CRACDL: variants seen among roughly 807,000 people sequenced by gnomAD.
CRACDL encodes CRACD like.
In CRACDL, 26 loss-of-function variants were observed where a neutral mutation model predicts 70.6. The observed-to-expected ratio is 0.37, with a 90% confidence interval of 0.27 to 0.51. CRACDL has a LOEUF of 0.51. Ranked by LOEUF, CRACDL falls within the 20% of genes least tolerant of loss-of-function variation. The pLI, the probability that CRACDL is intolerant of heterozygous loss-of-function variation, is 0.94. For missense variants in CRACDL, 1,283 were observed against 1,376.9 expected (o/e 0.93, Z 1.08); for synonymous variants, 618 against 615.2 (o/e 1.00, Z -0.07).
At chr2:98,928,354 G>A (rs1168789785) in intron 1 of CRACDL, among the ~76,000 whole-genome samples, 3 of 152,164 alleles carry the variant, frequency 2.0e-5, no homozygotes, top group Non-Finnish European at 4.4e-5. Flanking sequence ...TAAGAGATCC[G>A]CTCCTGTTCC....
At chr2:98,818,811 A>T (rs1260938642) in intron 7 of CRACDL, among the ~76,000 whole-genome samples, 1 of 152,224 alleles carries the variant, frequency 6.6e-6, no homozygotes, top group Non-Finnish European at 1.5e-5. Flanking sequence ...TGCTCTGGTC[A>T]GCATGAGATA....
chr2:98,817,732 G>A (rs1203454110), intron 7 of CRACDL, among the ~76,000 whole-genome samples: 1 of 152,170 alleles, frequency 6.6e-6, no homozygotes, highest in African/African-American at 2.4e-5. Flanking sequence ...ATGAATGAGT[G>A]AGTACTGGAG....
chr2:98,802,804 A>G (rs1193293432), intron 7 of CRACDL, among the ~76,000 whole-genome samples: 2 of 152,244 alleles, frequency 1.3e-5, no homozygotes, highest in Non-Finnish European at 2.9e-5. Context: ...CTGAGAGGCA[A>G]CGAGTTGTCG....
intron 1 of CRACDL, among the ~76,000 whole-genome samples, chr2:98,862,095 T>G (rs1012681847): frequency 9.2e-5 from 14 of 152,170 alleles, no homozygotes; most frequent in Admixed American, 7.9e-4. Context: ...TTTCTCATTC[T>G]CGGAGCCAGA....
At chr2:98,918,735 C>T (rs938822841) in intron 1 of CRACDL, among the ~76,000 whole-genome samples, 1 of 151,858 alleles carries the variant, frequency 6.6e-6, no homozygotes, top group African/African-American at 2.4e-5. Flanking sequence ...CGTGTGTCTT[C>T]TTTTGAAAAA....
intron 1 of CRACDL, among the ~76,000 whole-genome samples, chr2:98,887,393 C>G (rs758855930): frequency 6.6e-6 from 1 of 152,022 alleles, no homozygotes; most frequent in Non-Finnish European, 1.5e-5. Context: ...GAGGCTGAGG[C>G]AGAGGATTTG....
In CRACDL at chr2:98,794,672, C is replaced by G; in HGVS notation, c.2750-1G>C. 1.1e-5 allele frequency: 17 copies of G among 1,608,984 alleles called. No individual in the cohort carries two copies. Among genetic ancestry groups the G allele is most frequent in the Non-Finnish European group, 1.4e-5 (16 of 1,176,402 alleles). On this transcript the variant is annotated splice_acceptor_variant, in intron 9 of 9. Coordinates refer to ENST00000397899, the MANE Select transcript of CRACDL (RefSeq NM_207362.3). LOFTEE classifies it high-confidence loss of function. ...TTCTCCATCATCACTGCAGACTGAG[C>G]TGCTTGGAAGGGAGACAAAACCAAC...
intron 1 of CRACDL, among the ~76,000 whole-genome samples, chr2:98,855,984 A>T (rs140126676): frequency 6.6e-6 from 1 of 152,186 alleles, no homozygotes; most frequent in African/African-American, 2.4e-5. Flanking sequence ...AATTCAAAAC[A>T]TCATTAACTA....
chr2:98,838,767 G>A (rs1025579042), intron 2 of CRACDL, among the ~76,000 whole-genome samples: 3 of 152,208 alleles, frequency 2.0e-5, no homozygotes, highest in African/African-American at 7.2e-5. Context: ...GCAAGAAGGT[G>A]GGTCTGTGGG....
chr2:98,926,103 T>C (rs1234414839), intron 1 of CRACDL, among the ~76,000 whole-genome samples: 8 of 152,228 alleles, frequency 5.3e-5, no homozygotes, highest in Non-Finnish European at 7.3e-5. Flanking sequence ...ATTTACTTCA[T>C]AATGCACAAT....
At chr2:98,796,071 C>T in intron 9 of CRACDL, 49 bp downstream of exon 9, 1 of 1,585,180 alleles carries the variant, frequency 6.3e-7, no homozygotes, top group Non-Finnish European at 8.7e-7. Flanking sequence ...GCAGGAACGA[C>T]CCAGGAAAAT....
intron 1 of CRACDL, among the ~76,000 whole-genome samples, chr2:98,885,846 T>TG (rs990196181): frequency 2.0e-5 from 3 of 151,360 alleles, no homozygotes; most frequent in African/African-American, 7.3e-5. Context: ...CAAAAGCAAG[T>TG]GACATCAGCA....
Position 98,795,077 on chromosome 2 carries a change from A to ATATTTTTTTT in CRACDL, c.2750-407_2750-406insAAAAAAAATA. ...TATATATATATATATATATATATAT[A>ATATTTTTTTT]TTTTTTTTTTTTTTTGAGACAGAAG... On this transcript the variant is annotated intron_variant, in intron 9 of 9. Transcript: ENST00000397899. Among the ~76,000 whole-genome samples, 572 of 58,214 alleles carry ATATTTTTTTT rather than the reference A, an allele frequency of 9.8e-3. 31 individuals carry two copies. The highest frequency in any genetic ancestry group is 0.03 in the Middle Eastern group (3 of 100). The allele number at this position is 58,214 out of a possible 152,430, so 38.2% of individuals were successfully genotyped here. A position where few individuals can be genotyped will look rare whatever the true frequency, so the allele number is the denominator to read the frequency against.
At chr2:98,867,300 T>A (rs953170851) in intron 1 of CRACDL, among the ~76,000 whole-genome samples, 7 of 152,214 alleles carry the variant, frequency 4.6e-5, no homozygotes, top group Non-Finnish European at 5.9e-5. Context: ...ACAAATTAAC[T>A]AACTTAGCTA....
intron 1 of CRACDL, 110 bp from the exon 2 acceptor site, chr2:98,846,920 A>G (rs1706281226): frequency 2.3e-6 from 2 of 851,698 alleles, no homozygotes; most frequent in Non-Finnish European, 4.0e-6. Flanking sequence ...CACACACCCC[A>G]GCAAAGACAG....
intron 7 of CRACDL, among the ~76,000 whole-genome samples, chr2:98,800,091 T>C (rs945527804): frequency 3.0e-4 from 45 of 152,370 alleles, no homozygotes; most frequent in African/African-American, 1.0e-3. Context: ...TCTATTCTCC[T>C]GTTTCACCTT....
chr2:98,880,336 T>C (rs907850157), intron 1 of CRACDL, among the ~76,000 whole-genome samples: 1 of 152,202 alleles, frequency 6.6e-6, no homozygotes, highest in Non-Finnish European at 1.5e-5. Context: ...AGCCAAGGCA[T>C]GATGATGATG....
intron 9 of CRACDL, among the ~76,000 whole-genome samples, chr2:98,795,558 G>A (rs1703784434): frequency 6.6e-6 from 1 of 152,186 alleles, no homozygotes; most frequent in Admixed American, 6.5e-5. Context: ...AGGAGTGGGA[G>A]TGGGAAGTGA....
At chr2:98,921,215 G>A (rs1708794793) in intron 1 of CRACDL, among the ~76,000 whole-genome samples, 1 of 152,214 alleles carries the variant, frequency 6.6e-6, no homozygotes, top group Non-Finnish European at 1.5e-5. Context: ...CAGTCACAGA[G>A]CAGATTCACC....
Sources: allele counts gnomAD v4.1 joint callset (sites outside exome capture counted in the v4.1 genomes callset), GRCh38; gene constraint gnomAD v4.1.1; transcripts MANE v1.5; gene names NCBI Gene and HGNC (gene_info 2026-07-23, HGNC 2026-07-21).